SLC8A1: variants seen among roughly 807,000 people sequenced by gnomAD.
SLC8A1 encodes the protein solute carrier family 8 member A1, also known as sodium/calcium exchanger 1.
In SLC8A1, 18 loss-of-function variants were observed where a neutral mutation model predicts 68.3. The ratio of observed to expected loss-of-function variants is 0.26; its 90% CI spans 0.18 to 0.39. SLC8A1 has a LOEUF of 0.39. Among genes scored for constraint, SLC8A1 ranks in the 10% least tolerant of loss-of-function variants. The pLI, the probability that SLC8A1 is intolerant of heterozygous loss-of-function variation, is 1.00. For synonymous variants in SLC8A1, 475 were observed against 415.5 expected, an observed-to-expected ratio of 1.14 and a Z score of -1.74; for missense variants, 985 against 1,156.7, an observed-to-expected ratio of 0.85 and a Z score of 2.15.
At chr2:40,205,978 G>A (rs2055364490) in intron 2 of SLC8A1, among the ~76,000 whole-genome samples, 1 of 151,854 alleles carries the variant, frequency 6.6e-6, no homozygotes, top group Non-Finnish European at 1.5e-5. Context: ...ATGATTTGGT[G>A]ACACAAAAAT....
intron 2 of SLC8A1, among the ~76,000 whole-genome samples, chr2:40,322,534 G>A (rs576807436): frequency 7.9e-5 from 12 of 151,158 alleles, no homozygotes; most frequent in African/African-American, 2.9e-4. Flanking sequence ...AAATTAGATG[G>A]GCATGGTGGT....
At chr2:40,204,401 T>C (rs967466010) in intron 2 of SLC8A1, among the ~76,000 whole-genome samples, 1 of 152,024 alleles carries the variant, frequency 6.6e-6, no homozygotes, top group African/African-American at 2.4e-5. Flanking sequence ...TCCACCCCAG[T>C]TGAGAGTAAC....
At chr2:40,383,374 G>A (rs903791498) in intron 2 of SLC8A1, among the ~76,000 whole-genome samples, 10 of 151,926 alleles carry the variant, frequency 6.6e-5, no homozygotes, top group Non-Finnish European at 1.0e-4. Flanking sequence ...CTTATCCTTC[G>A]CCATGTTTAT....
chr2:40,419,224 T>G (rs1461838942), intron 2 of SLC8A1, among the ~76,000 whole-genome samples: 1 of 152,202 alleles, frequency 6.6e-6, no homozygotes, highest in African/African-American at 2.4e-5. Context: ...CCCTTCTGGA[T>G]TCCACCGGCT....
At chr2:40,292,864 T>G (rs2069590567) in intron 2 of SLC8A1, among the ~76,000 whole-genome samples, 1 of 152,182 alleles carries the variant, frequency 6.6e-6, no homozygotes, top group Non-Finnish European at 1.5e-5. Context: ...TAACAACATC[T>G]ATTCCTTCAT....
chr2:40,251,342 T>A lies in SLC8A1; in HGVS notation c.1809-73487A>T, dbSNP rs148176103. The A allele has an allele frequency of 6.6e-5, 10 of 152,288 alleles. No individual in the cohort carries two copies. The East Asian group carries it at 1.7e-3, about 27-fold the overall frequency. 9.4% of individuals were successfully genotyped at this position (152,288 alleles called of 1,614,324 possible). A position where few individuals can be genotyped will look rare whatever the true frequency, so the allele number is the denominator to read the frequency against. On this transcript the variant is annotated intron_variant, in intron 2 of 7. Coordinates refer to ENST00000406785, the Ensembl canonical transcript of SLC8A1. ...ACAGACTTACACAAAGAGAAGTGGCTGGCTGGCAATACTGCTAATGTGGAA... is the reference window on the plus strand; with the variant it reads ...ACAGACTTACACAAAGAGAAGTGGCAGGCTGGCAATACTGCTAATGTGGAA...
chr2:40,123,909 C>G (rs1040198253), intron 7 of SLC8A1, among the ~76,000 whole-genome samples: 4 of 152,198 alleles, frequency 2.6e-5, no homozygotes, highest in African/African-American at 9.6e-5. Context: ...CTGCCCTGCA[C>G]AGATCGGTGT....
chr2:40,227,522 C>T (rs1448293733), intron 2 of SLC8A1, among the ~76,000 whole-genome samples: 1 of 151,918 alleles, frequency 6.6e-6, no homozygotes, highest in Non-Finnish European at 1.5e-5. Context: ...ATGATGAGAA[C>T]ACATGAACAC....
chr2:40,380,957 C>T (rs1681560983), intron 2 of SLC8A1, among the ~76,000 whole-genome samples: 1 of 152,114 alleles, frequency 6.6e-6, no homozygotes, highest in South Asian at 2.1e-4. Flanking sequence ...TCTCCTCTCT[C>T]TGACTCACTG....
chr2:40,506,616 T>TA (rs1706385312), intron 1 of SLC8A1, among the ~76,000 whole-genome samples: 1 of 151,958 alleles, frequency 6.6e-6, no homozygotes, highest in African/African-American at 2.4e-5. Flanking sequence ...TTGATAATTT[T>TA]AAAAAATGTA....
intron 4 of SLC8A1, among the ~76,000 whole-genome samples, chr2:40,168,307 A>AT (rs1312072076): frequency 6.6e-6 from 1 of 152,116 alleles, no homozygotes; most frequent in Non-Finnish European, 1.5e-5. Context: ...TGAAGCACAT[A>AT]TAGAAGATTG....
intron 1 of SLC8A1, among the ~76,000 whole-genome samples, chr2:40,506,229 G>T (rs1311753115): frequency 6.6e-6 from 1 of 151,650 alleles, no homozygotes; most frequent in Non-Finnish European, 1.5e-5. Context: ...ATTTTTGGAG[G>T]TCTGTTTCTC....
intron 2 of SLC8A1, among the ~76,000 whole-genome samples, chr2:40,414,804 T>C (rs1028760701): frequency 2.0e-5 from 3 of 152,170 alleles, no homozygotes; most frequent in African/African-American, 4.8e-5. Flanking sequence ...AATTGGTTTA[T>C]GCCTACAGAT....
intron 1 of SLC8A1, among the ~76,000 whole-genome samples, chr2:40,496,839 C>T (rs1559771879): frequency 6.7e-6 from 1 of 149,152 alleles, no homozygotes; most frequent in Non-Finnish European, 1.5e-5. Context: ...AAACCAAACA[C>T]CGCATATTCT....
At chr2:40,344,962 C>T (rs1668792198) in intron 2 of SLC8A1, among the ~76,000 whole-genome samples, 1 of 152,108 alleles carries the variant, frequency 6.6e-6, no homozygotes, top group Admixed American at 6.5e-5. Flanking sequence ...TGGACAAATT[C>T]TAGAGGACTC....
intron 2 of SLC8A1, among the ~76,000 whole-genome samples, chr2:40,389,929 G>C (rs1426001163): frequency 6.7e-6 from 1 of 149,102 alleles, no homozygotes; most frequent in Non-Finnish European, 1.5e-5. Flanking sequence ...CCAATTTATA[G>C]ACACACACAC....
Position 40,421,068 on chromosome 2 carries a change from T to TCAC in SLC8A1, c.1808+7402_1808+7404dup, listed in dbSNP as rs551749143. 3.7e-3 allele frequency among the ~76,000 whole-genome samples: 566 copies of TCAC among 152,080 alleles called. 3 individuals carry two copies. The highest frequency in any genetic ancestry group is 5.4e-3 in the Non-Finnish European group (366 of 67,960). On this transcript the variant is annotated intron_variant, in intron 2 of 7. Coordinates refer to ENST00000406785, the Ensembl canonical transcript of SLC8A1. ...ATAAATCTTAGTGCCATCACCATCA[T>TCAC]CACCACCACCACCACCAACACCAAA...
Position 40,252,945 on chromosome 2 carries a change from A to ATACATG in SLC8A1, c.1809-75091_1809-75090insCATGTA, listed in dbSNP as rs1273027319. On this transcript the variant is annotated intron_variant, in intron 2 of 7. Transcript: ENST00000406785. The stretch of plus-strand genomic sequence containing the variant: ...TACATACATGTATATGTATGTACAT[A>ATACATG]TATACATATGTGTGTATATGTATGT... Among the ~76,000 whole-genome samples the ATACATG allele has an allele frequency of 2.2e-5, 3 of 138,676 alleles. No homozygotes were observed. The East Asian group carries it at 6.0e-4, about 28-fold the overall frequency. 91.0% of individuals were successfully genotyped at this position (138,676 alleles called of 152,430 possible).
chr2:40,299,896 A>C (rs955753371), intron 2 of SLC8A1, among the ~76,000 whole-genome samples: 1 of 152,150 alleles, frequency 6.6e-6, no homozygotes, highest in African/African-American at 2.4e-5. Flanking sequence ...CTCCAGAAGA[A>C]TCTCCCTATG....
Sources: allele counts gnomAD v4.1 joint callset (sites outside exome capture counted in the v4.1 genomes callset), GRCh38; gene constraint gnomAD v4.1.1; transcripts MANE v1.5; gene names NCBI Gene and HGNC (gene_info 2026-07-23, HGNC 2026-07-21).